The following CNNM2 variants were observed in gnomAD, a reference collection of about 807,000 sequenced individuals.
The protein encoded by CNNM2 is metal transporter CNNM2.
Under a neutral mutation model 66.9 loss-of-function variants are expected in CNNM2, and 12 were observed. The observed-to-expected ratio is 0.18, with a 90% confidence interval of 0.11 to 0.29. The LOEUF (loss-of-function observed/expected upper bound fraction) is 0.29. Among genes scored for constraint, CNNM2 ranks in the 10% least tolerant of loss-of-function variants. CNNM2 has a pLI of 1.00. For synonymous variants in CNNM2, 557 were observed against 501.8 expected (o/e 1.11, Z -1.47); for missense variants, 705 against 1,167.7 (o/e 0.60, Z 5.77).
At chr10:102,984,022 C>T (rs11812250) in intron 1 of CNNM2, among the ~76,000 whole-genome samples, 1 of 152,122 alleles carries the variant, frequency 6.6e-6, no homozygotes, top group African/African-American at 2.4e-5. Flanking sequence ...TCCCAAAGTG[C>T]TGGGATTACA....
At chr10:103,031,301 A>G (rs544783166) in intron 1 of CNNM2, among the ~76,000 whole-genome samples, 3 of 152,214 alleles carry the variant, frequency 2.0e-5, no homozygotes, top group East Asian at 3.9e-4. Context: ...GTGTGTGGCA[A>G]TGTTGGAGTG....
In CNNM2 at chr10:103,078,893, G is replaced by A. The variant is rs2065729207; in HGVS notation, c.*1713G>A. ...CAGCGGGCCGGGCTGGCTGCCTGGT[G>A]AGCAGTTTGGTGCCTCGGGTGTTGT... On this transcript the variant is annotated 3_prime_UTR_variant, in exon 8 of 8. Coordinates refer to ENST00000369878, the MANE Select transcript of CNNM2 (RefSeq NM_017649.5). 1 of 152,770 alleles carries A rather than the reference G, an allele frequency of 6.5e-6. No homozygotes were observed. The highest frequency in any genetic ancestry group is 2.1e-4 in the South Asian group (1 of 4,842). 9.5% of individuals were successfully genotyped at this position (152,770 alleles called of 1,614,324 possible). A position where few individuals can be genotyped will look rare whatever the true frequency, so the allele number is the denominator to read the frequency against.
intron 1 of CNNM2, among the ~76,000 whole-genome samples, chr10:102,921,773 GT>G (rs1230181511): frequency 6.6e-6 from 1 of 152,136 alleles, no homozygotes; most frequent in East Asian, 1.9e-4. Flanking sequence ...TATTGCATGA[GT>G]TTTTTATTAC....
chr10:102,991,112 G>A (rs769935893), intron 1 of CNNM2, among the ~76,000 whole-genome samples: 3 of 151,988 alleles, frequency 2.0e-5, no homozygotes, highest in Non-Finnish European at 4.4e-5. Flanking sequence ...TCAGCCTCCC[G>A]AGTAGCTGGG....
intron 1 of CNNM2, among the ~76,000 whole-genome samples, chr10:102,933,427 A>G (rs1043011811): frequency 5.9e-5 from 9 of 152,132 alleles, no homozygotes. Flanking sequence ...CAGATTGTTC[A>G]TTGCTTGTAT....
At chr10:102,939,997 C>A (rs7912376) in intron 1 of CNNM2, among the ~76,000 whole-genome samples, 3 of 141,016 alleles carry the variant, frequency 2.1e-5, no homozygotes, top group East Asian at 4.1e-4. Context: ...ACAACAACAA[C>A]AACAAAAAAA....
At chr10:102,958,659 CG>C (rs1393610128) in intron 1 of CNNM2, among the ~76,000 whole-genome samples, 1 of 151,404 alleles carries the variant, frequency 6.6e-6, no homozygotes, top group Non-Finnish European at 1.5e-5. Flanking sequence ...TTAATAGAGA[CG>C]GGGTTTCACT....
At chr10:103,073,632 C>T (rs1338956851) in intron 6 of CNNM2, among the ~76,000 whole-genome samples, 1 of 151,802 alleles carries the variant, frequency 6.6e-6, no homozygotes, top group Admixed American at 6.6e-5. Context: ...GAGGCCGAGG[C>T]GGGTGGATCA....
At chr10:103,016,678 G>A (rs1016523735) in intron 1 of CNNM2, among the ~76,000 whole-genome samples, 2 of 152,236 alleles carry the variant, frequency 1.3e-5, no homozygotes, top group East Asian at 1.9e-4. Context: ...TAACCAATTC[G>A]ATCCTGGTCT....
intron 1 of CNNM2, among the ~76,000 whole-genome samples, chr10:103,011,236 C>T (rs187278570): frequency 3.3e-5 from 5 of 152,040 alleles, no homozygotes; most frequent in East Asian, 1.9e-4. Flanking sequence ...AGGCAGATCA[C>T]GAGGGCAGGA....
Position 102,981,572 on chromosome 10 carries a change from T to A in CNNM2, c.1621+61471T>A, listed in dbSNP as rs971415894. Among the ~76,000 whole-genome samples, 6 of 151,788 alleles carry A rather than the reference T, an allele frequency of 4.0e-5. No individual in the cohort carries two copies. In the East Asian group the frequency reaches 1.2e-3, roughly 30 times the overall value. ...CACCCGGCTAACTTTGGTATTTTTT[T>A]TTTTTAAGTCAAGGTTCGCCATGTT... On this transcript the variant is annotated intron_variant, in intron 1 of 7. Transcript: ENST00000369878.
intron 1 of CNNM2, among the ~76,000 whole-genome samples, chr10:103,047,119 AAAT>A (rs2065139651): frequency 6.6e-6 from 1 of 152,220 alleles, no homozygotes; most frequent in Non-Finnish European, 1.5e-5. Context: ...ATTTGTTTTC[AAAT>A]AATAGAATTA....
At chr10:103,003,345 C>T (rs1456834268) in intron 1 of CNNM2, among the ~76,000 whole-genome samples, 1 of 152,098 alleles carries the variant, frequency 6.6e-6, no homozygotes, top group Non-Finnish European at 1.5e-5. Context: ...AACCTCTGAC[C>T]TCAGGTAATC....
At chr10:103,010,154 A>G (rs190756597) in intron 1 of CNNM2, among the ~76,000 whole-genome samples, 6 of 152,330 alleles carry the variant, frequency 3.9e-5, no homozygotes, top group Admixed American at 6.5e-5. Flanking sequence ...AAACATTTCA[A>G]TAACGTAATA....
chr10:103,038,224 T>C (rs998445229), intron 1 of CNNM2, among the ~76,000 whole-genome samples: 3 of 152,192 alleles, frequency 2.0e-5, no homozygotes, highest in Non-Finnish European at 4.4e-5. Flanking sequence ...CAAATCTCCA[T>C]TGATAAAACT....
chr10:103,037,777 C>G (rs2064968900), intron 1 of CNNM2, among the ~76,000 whole-genome samples: 1 of 152,130 alleles, frequency 6.6e-6, no homozygotes, highest in African/African-American at 2.4e-5. Context: ...ATTTGTAGAT[C>G]ACTCATTCAG....
intron 1 of CNNM2, among the ~76,000 whole-genome samples, chr10:102,943,713 G>A (rs539226483): frequency 6.6e-6 from 1 of 152,076 alleles, no homozygotes; most frequent in African/African-American, 2.4e-5. Context: ...TGTCTAAAAT[G>A]GCTAATCTCA....
intron 1 of CNNM2, among the ~76,000 whole-genome samples, chr10:103,015,872 A>G (rs1372485320): frequency 6.6e-6 from 1 of 151,872 alleles, no homozygotes; most frequent in African/African-American, 2.4e-5. Flanking sequence ...ACAACAAAAA[A>G]CAAACAAAAA....
rs1289592572 is a variant in CNNM2 at position 103,082,682 on chromosome 10, G to A, written c.*5502G>A. On this transcript the variant is annotated 3_prime_UTR_variant, in exon 8 of 8. Coordinates refer to ENST00000369878, the MANE Select transcript of CNNM2 (RefSeq NM_017649.5). ...AGGGTAGTGTTGTTTTTTATAAACA[G>A]GTTGCTGCTTTTATGTTGGCCCTAG... The A allele has an allele frequency of 1.3e-5, 2 of 152,234 alleles. No homozygotes were observed. The highest frequency in any genetic ancestry group is 2.9e-5 in the Non-Finnish European group (2 of 68,100). 9.4% of individuals were successfully genotyped at this position (152,234 alleles called of 1,614,324 possible). A position where few individuals can be genotyped will look rare whatever the true frequency, so the allele number is the denominator to read the frequency against.
Sources: gnomAD v4.1 joint callset for allele counts (sites outside exome capture counted in the v4.1 genomes callset) on GRCh38, gnomAD v4.1.1 for gene constraint, MANE v1.5 for transcripts, NCBI Gene and HGNC (gene_info 2026-07-23, HGNC 2026-07-21) for gene names.